Variants in PCTP observed in about 807,000 individuals in gnomAD.
PCTP encodes START domain-containing protein 2.
In PCTP, 27 loss-of-function variants were observed where a neutral mutation model predicts 31.0. The observed-to-expected ratio is 0.87, with a 90% CI of 0.64 to 1.20. PCTP has a LOEUF of 1.20. Ranked by LOEUF, PCTP falls within the 50% of genes most tolerant of loss-of-function variation. The pLI, the probability that PCTP is intolerant of heterozygous loss-of-function variation, is 0.00. For synonymous variants in PCTP, 108 were observed against 101.2 expected, an observed-to-expected ratio of 1.07 and a Z score of -0.40; for missense variants, 287 against 268.2, an observed-to-expected ratio of 1.07 and a Z score of -0.49.
chr17:55,832,733 T>A lies in PCTP; in HGVS notation n.505+9806T>A, dbSNP rs145778055. ...TGAGCCTTCTGGGCACAAAGGAATATTCCCTTGATCAATATGTTCGATGGG... is the reference window on the plus strand; with the variant it reads ...TGAGCCTTCTGGGCACAAAGGAATAATCCCTTGATCAATATGTTCGATGGG... On this transcript the variant is annotated intron_variant and non_coding_transcript_variant, in intron 5 of 5. Transcript: ENST00000576221. Among the ~76,000 whole-genome samples, 5 of 152,348 alleles carry A rather than the reference T, an allele frequency of 3.3e-5. No individual in the cohort carries two copies. In the East Asian group the frequency reaches 9.6e-4, roughly 29 times the overall value.
At chr17:55,827,903 G>T (rs1905455561), downstream of PCTP, among the ~76,000 whole-genome samples, 1 of 152,190 alleles carries the variant, frequency 6.6e-6, no homozygotes, top group African/African-American at 2.4e-5. Flanking sequence ...TTATTAGGAT[G>T]CAGGTCCTGT....
intron 3 of PCTP, among the ~76,000 whole-genome samples, chr17:55,809,809 C>A (rs780561310): frequency 2.0e-5 from 3 of 152,194 alleles, no homozygotes; most frequent in Non-Finnish European, 4.4e-5. Context: ...GCATGAGCCA[C>A]CACATCTGGC....
chr17:55,817,976 C>T (rs1310026093), intron 3 of PCTP, among the ~76,000 whole-genome samples: 2 of 152,072 alleles, frequency 1.3e-5, no homozygotes, highest in Non-Finnish European at 2.9e-5. Context: ...GGTGATTGGT[C>T]ATAGGGGAGA....
intron 5 of PCTP, 56 bp from the exon 6 acceptor site, chr17:55,775,979 G>T: frequency 6.2e-7 from 1 of 1,601,496 alleles, no homozygotes; most frequent in Admixed American, 1.7e-5. Context: ...ACATCCCAAA[G>T]AATCAAGAGT....
intron 5 of PCTP, among the ~76,000 whole-genome samples, chr17:55,832,082 C>A (rs1598021974): frequency 6.6e-6 from 1 of 152,186 alleles, no homozygotes; most frequent in Middle Eastern, 3.4e-3. Context: ...CTCAAACAAA[C>A]AAACAAACAA....
At position 55,776,213 on chromosome 17, in the gene PCTP, C is replaced by T. The variant is rs1360716674; in HGVS notation, c.*113C>T. On this transcript the variant is annotated 3_prime_UTR_variant, in exon 6 of 6. Coordinates refer to ENST00000268896, the MANE Select transcript of PCTP (RefSeq NM_021213.4). ...CCACCTGGAAGTGTCTCTGGAAGAG[C>T]ACCCACCACTGTTCAGCCTTCCCCT... 1 of 1,506,730 alleles carries T rather than the reference C, an allele frequency of 6.6e-7. No individual in the cohort carries two copies. The highest frequency in any genetic ancestry group is 8.9e-7 in the Non-Finnish European group (1 of 1,127,966). The allele number at this position is 1,506,730 out of a possible 1,614,324, so 93.3% of individuals were successfully genotyped here.
At chr17:55,775,891 A>G (rs1911301998) in intron 5 of PCTP, 144 bp from the exon 6 acceptor site, 2 of 1,411,506 alleles carry the variant, frequency 1.4e-6, no homozygotes, top group South Asian at 1.7e-5. Flanking sequence ...ATCATCTGCA[A>G]CAACATTCTG....
chr17:55,815,531 G>A (rs78825501), intron 3 of PCTP, among the ~76,000 whole-genome samples: 3,944 of 152,152 alleles, frequency 0.026, 121 homozygotes, highest in Admixed American at 0.095. Flanking sequence ...TTTATTTCGT[G>A]GGCTGCTCTG....
chr17:55,820,704 A>T (rs1425786925), intron 3 of PCTP, among the ~76,000 whole-genome samples: 2 of 152,238 alleles, frequency 1.3e-5, no homozygotes, highest in Non-Finnish European at 2.9e-5. Context: ...AAACTTAATT[A>T]AAAAATGGAA....
downstream of PCTP, among the ~76,000 whole-genome samples, chr17:55,843,792 T>C (rs1440388649): frequency 6.6e-6 from 1 of 152,176 alleles, no homozygotes; most frequent in East Asian, 1.9e-4. Context: ...GAGTAATAGT[T>C]CTTAGTATAT....
chr17:55,803,216 A>G (rs1045680380), intron 3 of PCTP, among the ~76,000 whole-genome samples: 4 of 152,212 alleles, frequency 2.6e-5, no homozygotes, highest in African/African-American at 7.2e-5. Flanking sequence ...GAGAGGACAT[A>G]AACAAATGGA....
intron 3 of PCTP, among the ~76,000 whole-genome samples, chr17:55,804,691 C>T (rs755761717): frequency 3.3e-5 from 5 of 152,036 alleles, no homozygotes; most frequent in East Asian, 3.9e-4. Flanking sequence ...GGGAGAGGAA[C>T]GTCACACACT....
chr17:55,751,275 G>T, intron 1 of PCTP, 31 bp downstream of exon 1: 1 of 1,526,104 alleles, frequency 6.6e-7, no homozygotes, highest in South Asian at 1.2e-5. Context: ...GGACCGCGGG[G>T]CCTAGAATGC....
At chr17:55,803,685 C>T (rs890865250) in intron 3 of PCTP, among the ~76,000 whole-genome samples, 1 of 152,100 alleles carries the variant, frequency 6.6e-6, no homozygotes, top group Admixed American at 6.5e-5. Context: ...AGACCCCTTC[C>T]TTATACCGTA....
At chr17:55,768,204 G>A (rs1910795258) in intron 2 of PCTP, among the ~76,000 whole-genome samples, 1 of 152,022 alleles carries the variant, frequency 6.6e-6, no homozygotes, top group African/African-American at 2.4e-5. Flanking sequence ...TTTAAATGTT[G>A]GACTGAAATG....
At chr17:55,851,570 C>T in the PCTP span, among the ~76,000 whole-genome samples, 1 of 152,082 alleles carries the variant, frequency 6.6e-6, no homozygotes, top group Non-Finnish European at 1.5e-5. Flanking sequence ...TTACTTGGCT[C>T]ACAAATAATA....
chr17:55,797,434 T>C (rs1381607558), intron 3 of PCTP, among the ~76,000 whole-genome samples: 1 of 151,946 alleles, frequency 6.6e-6, no homozygotes, highest in Non-Finnish European at 1.5e-5. Flanking sequence ...TGAAGGAAAA[T>C]GTGGAATTTA....
At chr17:55,819,010 CAAAAAAAA>C (rs56823756) in intron 3 of PCTP, among the ~76,000 whole-genome samples, 567 of 51,170 alleles carry the variant, frequency 0.011, 4 homozygotes, top group African/African-American at 0.034. Context: ...GGAAAGAAAT[CAAAAAAAA>C]AAAAAAAAAA....
At chr17:55,798,240 A>C (rs1291577421) in intron 3 of PCTP, among the ~76,000 whole-genome samples, 2 of 152,010 alleles carry the variant, frequency 1.3e-5, no homozygotes, top group African/African-American at 4.8e-5. Flanking sequence ...ACAACATAAA[A>C]ATGTCTAAAC....
Sources: allele counts gnomAD v4.1 joint callset (sites outside exome capture counted in the v4.1 genomes callset), GRCh38; gene constraint gnomAD v4.1.1; transcripts MANE v1.5; gene names NCBI Gene and HGNC (gene_info 2026-07-23, HGNC 2026-07-21).